The following SYDE2 variants were observed in gnomAD, a reference collection of about 807,000 sequenced individuals.
SYDE2 encodes synapse defective Rho GTPase homolog 2.
SYDE2 carries 76 observed loss-of-function variants against 91.5 expected under a neutral mutation model. The observed-to-expected ratio is 0.83, with a 90% CI of 0.69 to 1.01. The LOEUF (loss-of-function observed/expected upper bound fraction) is 1.01. Among genes scored for constraint, SYDE2 ranks in the 50% least tolerant of loss-of-function variants. The pLI, the probability that SYDE2 is intolerant of heterozygous loss-of-function variation, is 0.00. For synonymous variants in SYDE2, 513 were observed against 506.4 expected, an observed-to-expected ratio of 1.01 and a Z score of -0.18; for missense variants, 1,364 against 1,367.7, an observed-to-expected ratio of 1.00 and a Z score of 0.04.
rs192975354 is a variant in SYDE2 at position 85,184,875 on chromosome 1, C to T, written c.1442-1675G>A. Among the ~76,000 whole-genome samples the T allele has an allele frequency of 1.4e-3, 193 of 142,944 alleles. 1 individual carries two copies. The highest frequency in any genetic ancestry group is 5.1e-3 in the African/African-American group (178 of 35,108). The allele number at this position is 142,944 out of a possible 152,430, so 93.8% of individuals were successfully genotyped here. A position where few individuals can be genotyped will look rare whatever the true frequency, so the allele number is the denominator to read the frequency against. ...CACCCTGGGAAACACAGAGATACCC[C>T]GTCTTAAAAAAAAAAAAAAAGATAC... is the stretch of plus-strand genomic sequence containing the variant. On this transcript the variant is annotated intron_variant, in intron 2 of 6. Transcript: ENST00000341460.
chr1:85,155,021 A>AAAG (rs1656846284), downstream of SYDE2, among the ~76,000 whole-genome samples: 1 of 150,310 alleles, frequency 6.7e-6, no homozygotes, highest in African/African-American at 2.4e-5. Context: ...AAAAAAAAAA[A>AAAG]AAAAGAAAAG....
In SYDE2 at chr1:85,164,566, T is replaced by C. The variant is rs1286298188; in HGVS notation, c.3045A>G (p.Lys1015=). 7 of 1,606,330 alleles carry C rather than the reference T, an allele frequency of 4.4e-6. No individual in the cohort carries two copies. Among genetic ancestry groups the C allele is most frequent in the Non-Finnish European group, 5.1e-6 (6 of 1,176,636 alleles). ...EELASALDFK[K]HIEVLHYLLQ... ...GTAAGTAATGAAGAACTTCAATGTG[T>C]TTTTTAAAATCCAAAGCACTTGCAA... Residue 1015 remains lysine, a synonymous_variant, in exon 6 of 7, where the codon AAA becomes AAG. Coordinates refer to ENST00000341460, the MANE Select transcript of SYDE2 (RefSeq NM_032184.2).
chr1:85,194,442 A>T (rs1658502135), intron 1 of SYDE2, among the ~76,000 whole-genome samples: 1 of 148,016 alleles, frequency 6.8e-6, no homozygotes, highest in African/African-American at 2.4e-5. Flanking sequence ...TAAATTATAT[A>T]TTATATATAA....
At chr1:85,186,887 C>T (rs367752751) in intron 2 of SYDE2, among the ~76,000 whole-genome samples, 13 of 152,258 alleles carry the variant, frequency 8.5e-5, no homozygotes, top group Admixed American at 2.0e-4. Flanking sequence ...AAGACTTAAA[C>T]GTTAGACCTA....
intron 2 of SYDE2, among the ~76,000 whole-genome samples, chr1:85,186,836 C>T (rs1245443866): frequency 6.6e-6 from 1 of 152,156 alleles, no homozygotes; most frequent in East Asian, 1.9e-4. Flanking sequence ...AACTGGATCC[C>T]TTCCTTATAC....
Position 85,190,094 on chromosome 1 carries a change from C to T in SYDE2, c.1404G>A (p.Met468Ile), listed in dbSNP as rs774599481. The change falls in exon 2 of 7, where the codon ATG becomes ATA. Residue 468 changes from methionine (M) to isoleucine (I), a missense_variant. By Grantham distance (10) the Met-to-Ile change is conservative (BLOSUM62 1). Transcript: ENST00000341460. ...ATTTCAACATGGGACTGTCCTCCACCATTATACCTTCTTGTGTCTTGTGTC... is the reference window on the plus strand; with the variant it reads ...ATTTCAACATGGGACTGTCCTCCACTATTATACCTTCTTGTGTCTTGTGTC... ...KLGHKTQEGI[M>I]VEDSPMLKSP... 4 of 1,613,530 alleles carry T rather than the reference C, an allele frequency of 2.5e-6. No homozygotes were observed. The highest frequency in any genetic ancestry group is 3.4e-6 in the Non-Finnish European group (4 of 1,179,658).
intron 6 of SYDE2, chr1:85,160,051 A>T (rs1657004755): frequency 1.8e-5 from 18 of 984,642 alleles, no homozygotes; most frequent in Non-Finnish European, 2.1e-5. Context: ...GTGTTGAACA[A>T]AATATTTAAG....
chr1:85,200,576 C>T lies in SYDE2; in HGVS notation c.421G>A (p.Gly141Ser). ...GDRARAAAPTGLQPPGCKDHG... is the reference protein window; with the variant it reads ...GDRARAAAPTSLQPPGCKDHG... The stretch of plus-strand genomic sequence containing the variant: ...TCCTTGCAGCCTGGAGGCTGGAGGC[C>T]GGTGGGTGCAGCCGCCCGGGCGCGG... The change falls in exon 1 of 7, where the codon GGC becomes AGC. Residue 141 changes from glycine to serine, a missense_variant. Gly to Ser is a moderately conservative substitution (Grantham distance 56). Coordinates refer to ENST00000341460, the MANE Select transcript of SYDE2 (RefSeq NM_032184.2). The T allele has an allele frequency of 6.3e-7, 1 of 1,594,948 alleles. No individual in the cohort carries two copies. Among genetic ancestry groups the T allele is most frequent in the South Asian group, 1.1e-5 (1 of 90,086 alleles).
chr1:85,160,421 G>A, intron 6 of SYDE2: 3 of 890,580 alleles, frequency 3.4e-6, no homozygotes, highest in Non-Finnish European at 4.0e-6. Context: ...CATTTCTATT[G>A]CATTTTAAAG....
chr1:85,182,319 T>G lies in SYDE2; in HGVS notation c.2323A>C (p.Thr775Pro). ...VLPTLFRVTK[T>P]HQLAVKLEPR... ...TCAAGTTTGACAGCCAACTGATGAG[T>G]CTTTGTCACTCTAAATAAGGTGGGA... Residue 775 changes from threonine to proline, a missense_variant, in exon 3 of 7, where the codon ACT (threonine) becomes CCT (proline). Physicochemically the swap from Thr to Pro is conservative, Grantham distance 38. Transcript: ENST00000341460. The G allele has an allele frequency of 6.2e-7, 1 of 1,613,770 alleles. No individual in the cohort carries two copies.
At chr1:85,194,688 A>G (rs1329504294) in intron 1 of SYDE2, 4 of 341,038 alleles carry the variant, frequency 1.2e-5, no homozygotes, top group African/African-American at 6.7e-5. Flanking sequence ...ATGGCAATTA[A>G]AAGTTTTTCA....
chr1:85,200,317 C>T lies in SYDE2; in HGVS notation c.680G>A (p.Gly227Asp). 4.3e-6 allele frequency: 7 copies of T among 1,614,008 alleles called. No homozygotes were observed. The highest frequency in any genetic ancestry group is 5.9e-6 in the Non-Finnish European group (7 of 1,179,888). The stretch of plus-strand genomic sequence containing the variant: ...ACGGTTTTCACGCACTTTCAAAGCG[C>T]CCACATTTGGGGAGGCTGCCTGCGT... ...TGTQAASPNVGALKVRENRVL... is the reference protein window; with the variant it reads ...TGTQAASPNVDALKVRENRVL... Residue 227 changes from glycine to aspartate, a missense_variant, in exon 1 of 7, where the codon GGC (glycine) becomes GAC (aspartate). Coordinates refer to ENST00000341460, the MANE Select transcript of SYDE2 (RefSeq NM_032184.2).
downstream of SYDE2, among the ~76,000 whole-genome samples, chr1:85,155,235 TAGTTC>T (rs1286592640): frequency 6.6e-6 from 1 of 152,054 alleles, no homozygotes; most frequent in South Asian, 2.1e-4. Flanking sequence ...GACAAGAATA[TAGTTC>T]CAGAATCCCA....
intron 6 of SYDE2, among the ~76,000 whole-genome samples, chr1:85,163,480 T>TA (rs1553170253): frequency 2.2e-5 from 3 of 134,648 alleles, no homozygotes; most frequent in African/African-American, 8.9e-5. Flanking sequence ...TATATATATA[T>TA]AACAAAAGAG....
rs763930831 is a variant in SYDE2, at chr1:85,200,759, G to A, written c.238C>T (p.Arg80Trp). Reference sequence around the variant, plus strand: ...TCGAGGCTTCTGCTGCAGGACGGCCGCATCCGAGGAGTCCGCAGCTGGCCT... The same window carrying A: ...TCGAGGCTTCTGCTGCAGGACGGCCACATCCGAGGAGTCCGCAGCTGGCCT... ...RGGQLRTPRM[R>W]PSCSRSLESL... is the part of the protein sequence containing the mutation. Residue 80 changes from arginine to tryptophan, a missense_variant, in exon 1 of 7, where the codon CGG (arginine) becomes TGG (tryptophan). Transcript: ENST00000341460. 2 of 1,526,088 alleles carry A rather than the reference G, an allele frequency of 1.3e-6. No individual in the cohort carries two copies. The highest frequency in any genetic ancestry group is 1.2e-5 in the South Asian group (1 of 83,492). 94.5% of individuals were successfully genotyped at this position (1,526,088 alleles called of 1,614,324 possible). A position where few individuals can be genotyped will look rare whatever the true frequency, so the allele number is the denominator to read the frequency against.
chr1:85,177,178 A>C (rs538244446), intron 4 of SYDE2, among the ~76,000 whole-genome samples: 2 of 152,180 alleles, frequency 1.3e-5, no homozygotes, highest in Admixed American at 1.3e-4. Flanking sequence ...CTTTCTTTTC[A>C]AACTTTATGG....
rs189735010 is a variant in SYDE2 at position 85,183,605 on chromosome 1, T to G, written c.1442-405A>C. Among the ~76,000 whole-genome samples, 230 of 152,256 alleles carry G rather than the reference T, an allele frequency of 1.5e-3. 1 individual carries two copies. Among genetic ancestry groups the G allele is most frequent in the African/African-American group, 5.2e-3 (218 of 41,570 alleles). On this transcript the variant is annotated intron_variant, in intron 2 of 6. Coordinates refer to ENST00000341460, the MANE Select transcript of SYDE2 (RefSeq NM_032184.2). ...CCCATGTGTCCTAATGACAAATAAG[T>G]AGTTTCTTTATAGAGAAAAAAACTA...
Position 85,200,380 on chromosome 1 carries a change from T to A in SYDE2, c.617A>T (p.Lys206Met). The A allele has an allele frequency of 6.2e-7, 1 of 1,614,042 alleles. No homozygotes were observed. Among genetic ancestry groups the A allele is most frequent in the Non-Finnish European group, 8.5e-7 (1 of 1,179,904 alleles). The change falls in exon 1 of 7, where the codon AAG becomes ATG. Residue 206 changes from lysine (K) to methionine (M), a missense_variant. Physicochemically the swap from Lys to Met is moderately conservative, Grantham distance 95. Transcript: ENST00000341460. ...GGGAGCCGTCCCACGGGCACGACCCTTCATTCCCAGGGACAGCAGACGCCC... is the reference window on the plus strand; with the variant it reads ...GGGAGCCGTCCCACGGGCACGACCCATCATTCCCAGGGACAGCAGACGCCC... ...YKGRLLSLGMKGRARGTAPKV... is the reference protein window; with the variant it reads ...YKGRLLSLGMMGRARGTAPKV...
chr1:85,154,597 T>G (rs1403322645), downstream of SYDE2, among the ~76,000 whole-genome samples: 2 of 150,174 alleles, frequency 1.3e-5, no homozygotes, highest in Non-Finnish European at 3.0e-5. Flanking sequence ...TGAAAAAACA[T>G]GGAGTCATTT....
Sources: gnomAD v4.1 joint callset for allele counts (sites outside exome capture counted in the v4.1 genomes callset) on GRCh38, gnomAD v4.1.1 for gene constraint, MANE v1.5 for transcripts, NCBI Gene and HGNC (gene_info 2026-07-23, HGNC 2026-07-21) for gene names.